The following NETO1 variants were observed in gnomAD, a reference collection of about 807,000 sequenced individuals.
NETO1 encodes the protein neuropilin and tolloid-like protein 1.
A neutral mutation model predicts 61.3 loss-of-function variants in NETO1; 26 were observed. The observed-to-expected ratio is 0.42, with a 90% confidence interval of 0.31 to 0.59. The LOEUF (loss-of-function observed/expected upper bound fraction) is 0.59, where lower values mean the gene tolerates loss of function less well. Among genes scored for constraint, NETO1 ranks in the 20% least tolerant of loss-of-function variants. The probability of loss-of-function intolerance (pLI) is 0.12; values close to 1 mark genes in which losing one functional copy is unlikely to be tolerated. For missense variants in NETO1, 531 were observed against 662.8 expected (o/e 0.80, Z 2.18); for synonymous variants, 225 against 225.8 (o/e 1.00, Z 0.03).
At chr18:72,862,126 A>G (rs185136741) in intron 3 of NETO1, among the ~76,000 whole-genome samples, 101 of 152,098 alleles carry the variant, frequency 6.6e-4, no homozygotes, top group Non-Finnish European at 1.1e-3. Flanking sequence ...TTTATTCTAC[A>G]TCTTATGTTC....
intron 4 of NETO1, among the ~76,000 whole-genome samples, chr18:72,856,033 A>G (rs1414687234): frequency 1.3e-5 from 2 of 152,200 alleles, no homozygotes; most frequent in African/African-American, 4.8e-5. Flanking sequence ...TGTATTTAGT[A>G]TGTATACATA....
intron 7 of NETO1, among the ~76,000 whole-genome samples, chr18:72,765,637 T>G (rs11659299): frequency 0.3 from 45,416 of 151,882 alleles, 7,997 homozygotes; most frequent in South Asian, 0.41. Context: ...CAGGATGGTC[T>G]TGAACTTCTG....
intron 4 of NETO1, chr18:72,835,456 C>T (rs1462271549): frequency 4.0e-6 from 2 of 498,042 alleles, no homozygotes; most frequent in Non-Finnish European, 7.1e-6. Flanking sequence ...AGTTAAAACT[C>T]CTGTTTATTC....
intron 4 of NETO1, among the ~76,000 whole-genome samples, chr18:72,797,699 C>T (rs2072365202): frequency 6.6e-6 from 1 of 152,140 alleles, no homozygotes; most frequent in Non-Finnish European, 1.5e-5. Flanking sequence ...TAGAGTAAGA[C>T]CATCAATCTT....
At chr18:72,772,708 T>A (rs1192936603) in intron 7 of NETO1, among the ~76,000 whole-genome samples, 1 of 149,212 alleles carries the variant, frequency 6.7e-6, no homozygotes, top group Non-Finnish European at 1.5e-5. Context: ...CATATATATA[T>A]GATATACACG....
chr18:72,805,159 G>C (rs1263020484), intron 4 of NETO1, among the ~76,000 whole-genome samples: 3 of 152,026 alleles, frequency 2.0e-5, no homozygotes, highest in Non-Finnish European at 4.4e-5. Flanking sequence ...TTTATTAATT[G>C]GCCATAGAAA....
At chr18:72,860,058 C>T (rs1234602569) in intron 3 of NETO1, among the ~76,000 whole-genome samples, 1 of 152,158 alleles carries the variant, frequency 6.6e-6, no homozygotes, top group Non-Finnish European at 1.5e-5. Context: ...AATGCTTTTG[C>T]TAATGGTCTT....
intron 7 of NETO1, among the ~76,000 whole-genome samples, chr18:72,780,468 A>T (rs543712799): frequency 6.6e-6 from 1 of 152,204 alleles, no homozygotes; most frequent in Non-Finnish European, 1.5e-5. Context: ...TTATCTATGC[A>T]GATTTTTAAA....
intron 4 of NETO1, among the ~76,000 whole-genome samples, chr18:72,821,234 T>TAAA (rs10672110): frequency 0.31 from 24,994 of 79,678 alleles, 3,888 homozygotes; most frequent in South Asian, 0.34. Flanking sequence ...TCATATTAAC[T>TAAA]AAAAAAAAAA....
intron 4 of NETO1, among the ~76,000 whole-genome samples, chr18:72,836,926 C>T (rs528607874): frequency 4.6e-5 from 7 of 151,976 alleles, no homozygotes; most frequent in Non-Finnish European, 7.4e-5. Flanking sequence ...AAATGTAATG[C>T]CTGTAGGAAT....
intron 4 of NETO1, among the ~76,000 whole-genome samples, chr18:72,815,494 C>T (rs939654716): frequency 2.0e-5 from 3 of 152,044 alleles, no homozygotes; most frequent in African/African-American, 7.3e-5. Context: ...AGGCAAAAGT[C>T]CTGGTCAGGT....
In NETO1 at chr18:72,777,353, A is replaced by T. The variant is rs2071582616; in HGVS notation, c.868+6325T>A. Among the ~76,000 whole-genome samples the T allele has an allele frequency of 4.2e-5, 6 of 143,242 alleles. No homozygotes were observed. The South Asian group carries it at 1.5e-3, about 35-fold the overall frequency. 94.0% of individuals were successfully genotyped at this position (143,242 alleles called of 152,430 possible). A position where few individuals can be genotyped will look rare whatever the true frequency, so the allele number is the denominator to read the frequency against. Reference sequence around the variant, plus strand: ...GAATAGCTTGAACCCGGGAGGGGGGAGGTTGCAGGGAGCTGAGATCGCACC... The same window carrying T: ...GAATAGCTTGAACCCGGGAGGGGGGTGGTTGCAGGGAGCTGAGATCGCACC... On this transcript the variant is annotated intron_variant, in intron 7 of 10. Transcript: ENST00000327305.
chr18:72,819,510 A>G (rs1321904859), intron 4 of NETO1, among the ~76,000 whole-genome samples: 1 of 152,196 alleles, frequency 6.6e-6, no homozygotes, highest in Admixed American at 6.5e-5. Flanking sequence ...TAACATTCCT[A>G]AGCTTTGCCC....
intron 7 of NETO1, among the ~76,000 whole-genome samples, chr18:72,777,839 C>T (rs2071609180): frequency 6.6e-6 from 1 of 152,170 alleles, no homozygotes; most frequent in Non-Finnish European, 1.5e-5. Context: ...TTTCTGGGAA[C>T]AGCCACAGCC....
intron 4 of NETO1, among the ~76,000 whole-genome samples, chr18:72,847,705 G>A (rs183521713): frequency 3.3e-5 from 5 of 152,232 alleles, no homozygotes; most frequent in African/African-American, 9.6e-5. Flanking sequence ...AGTCCAGAAC[G>A]GAGAACTGTG....
intron 4 of NETO1, among the ~76,000 whole-genome samples, chr18:72,857,700 G>T (rs927589711): frequency 6.6e-6 from 1 of 152,066 alleles, no homozygotes; most frequent in African/African-American, 2.4e-5. Context: ...CTTCAAATTA[G>T]TTCGACTGTA....
At chr18:72,763,057 T>G (rs2071031933) in intron 7 of NETO1, among the ~76,000 whole-genome samples, 1 of 152,188 alleles carries the variant, frequency 6.6e-6, no homozygotes, top group African/African-American at 2.4e-5. Context: ...CTGTTTCAAT[T>G]CTGTAACTTA....
At chr18:72,831,884 A>G (rs2073592117) in intron 4 of NETO1, among the ~76,000 whole-genome samples, 1 of 152,168 alleles carries the variant, frequency 6.6e-6, no homozygotes, top group East Asian at 1.9e-4. Context: ...CTTCCCTTTC[A>G]TGCCTTCTTC....
intron 4 of NETO1, among the ~76,000 whole-genome samples, chr18:72,811,321 G>A (rs761755000): frequency 3.3e-4 from 50 of 151,998 alleles, no homozygotes; most frequent in Non-Finnish European, 4.4e-4. Flanking sequence ...TTGTCTTTAC[G>A]GTTCCATTTT....
Sources: allele counts gnomAD v4.1 joint callset (sites outside exome capture counted in the v4.1 genomes callset), GRCh38; gene constraint gnomAD v4.1.1; transcripts MANE v1.5; gene names NCBI Gene and HGNC (gene_info 2026-07-23, HGNC 2026-07-21).